LRRC17: variants seen among roughly 807,000 people sequenced by gnomAD.
LRRC17 encodes the protein leucine rich repeat containing 17.
In LRRC17, 33 loss-of-function variants were observed where a neutral mutation model predicts 41.5. The ratio of observed to expected loss-of-function variants is 0.80; its 90% CI spans 0.60 to 1.06. LRRC17 has a LOEUF of 1.06. LRRC17 is among the 50% of genes least tolerant of loss of function. The pLI is 0.00. For missense variants in LRRC17, 491 were observed against 519.3 expected, an observed-to-expected ratio of 0.95 and a Z score of 0.53; for synonymous variants, 192 against 197.0, an observed-to-expected ratio of 0.97 and a Z score of 0.21.
intron 2 of LRRC17, among the ~76,000 whole-genome samples, chr7:102,938,601 G>T (rs1199962316): frequency 6.6e-6 from 1 of 152,176 alleles, no homozygotes; most frequent in East Asian, 1.9e-4. Context: ...CAGTATATAT[G>T]AAATGTGCAT....
At position 102,944,763 on chromosome 7, in the gene LRRC17, G is replaced by GCATTCTCTTGATTACTA; in HGVS notation, c.*156_*157insCATTCTCTTGATTACTA. 3 of 649,486 alleles carry GCATTCTCTTGATTACTA rather than the reference G, an allele frequency of 4.6e-6. No individual in the cohort carries two copies. Among genetic ancestry groups the GCATTCTCTTGATTACTA allele is most frequent in the Non-Finnish European group, 7.5e-6 (3 of 401,532 alleles). The allele number at this position is 649,486 out of a possible 1,614,324, so 40.2% of individuals were successfully genotyped here. A position where few individuals can be genotyped will look rare whatever the true frequency, so the allele number is the denominator to read the frequency against. On this transcript the variant is annotated 3_prime_UTR_variant, in exon 4 of 4. Coordinates refer to ENST00000339431, the MANE Select transcript of LRRC17 (RefSeq NM_001031692.3). ...TATAAGTATTATTGTGACTATTATA[G>GCATTCTCTTGATTACTA]TAATCAAGAGAATGCTATCATCCTG...
At chr7:102,942,256 G>A in intron 3 of LRRC17, 1 of 1,557,678 alleles carries the variant, frequency 6.4e-7, no homozygotes, top group South Asian at 1.2e-5. Flanking sequence ...ATGACCTAAA[G>A]AAGTTTTAAA....
At chr7:102,924,624 T>C (rs1385582672) in intron 1 of LRRC17, among the ~76,000 whole-genome samples, 1 of 151,194 alleles carries the variant, frequency 6.6e-6, no homozygotes, top group African/African-American at 2.4e-5. Context: ...CACCGAGAAT[T>C]TTCTGTGTAA....
In LRRC17 at chr7:102,934,034, G is replaced by C. The variant is rs758716709; in HGVS notation, c.121G>C (p.Gly41Arg). ...NHGRAGGGRR[G>R]SNPVKRYAPG... The stretch of plus-strand genomic sequence containing the variant: ...TGGCCGGGCGGGTGGAGGCCGGAGA[G>C]GCTCCAACCCGGTCAAACGCTACGC... Residue 41 changes from glycine to arginine, a missense_variant, in exon 2 of 4, where the codon GGC (glycine) becomes CGC (arginine). Transcript: ENST00000339431. The C allele has an allele frequency of 1.4e-5, 23 of 1,613,940 alleles. No homozygotes were observed. In the South Asian group the frequency reaches 1.9e-4, roughly 13 times the overall value.
At chr7:102,933,710 T>C (rs1819668884) in intron 1 of LRRC17, 64 bp from the exon 2 acceptor site, 1 of 446,276 alleles carries the variant, frequency 2.2e-6, no homozygotes. Context: ...TCTGTTCTTA[T>C]CTGTCAGTAA....
intron 1 of LRRC17, among the ~76,000 whole-genome samples, chr7:102,926,603 C>T (rs942733271): frequency 2.0e-5 from 3 of 152,192 alleles, no homozygotes; most frequent in Non-Finnish European, 2.9e-5. Context: ...AATCAAGTCT[C>T]ATTCCATCAC....
At position 102,933,909 on chromosome 7, in the gene LRRC17, T is replaced by C; in HGVS notation, c.-5T>C. On this transcript the variant is annotated 5_prime_UTR_variant, in exon 2 of 4. Transcript: ENST00000339431. ...CGAAGTAATTGGGGCCAGCTGGATG[T>C]CAGGATGCGTGTGGTTACCATTGTA... 6.3e-7 allele frequency: 1 copy of C among 1,590,342 alleles called. No individual in the cohort carries two copies. Among genetic ancestry groups the C allele is most frequent in the African/African-American group, 1.3e-5 (1 of 74,386 alleles).
intron 1 of LRRC17, among the ~76,000 whole-genome samples, chr7:102,918,568 C>T (rs761197677): frequency 5.9e-5 from 9 of 152,150 alleles, no homozygotes; most frequent in Non-Finnish European, 1.0e-4. Flanking sequence ...ATAACCCCAG[C>T]ACTTTGGGAA....
intron 3 of LRRC17, among the ~76,000 whole-genome samples, chr7:102,940,212 T>C (rs375944259): frequency 5.1e-5 from 7 of 137,274 alleles, no homozygotes; most frequent in Admixed American, 3.0e-4. Flanking sequence ...TGACTTTTTT[T>C]GTTTGTTTTT....
intron 1 of LRRC17, among the ~76,000 whole-genome samples, chr7:102,915,685 A>C (rs1158120036): frequency 1.3e-5 from 2 of 152,182 alleles, no homozygotes; most frequent in Non-Finnish European, 2.9e-5. Context: ...AAAATATATA[A>C]GATTACAAAA....
chr7:102,943,680 C>A (rs988274281), intron 3 of LRRC17, among the ~76,000 whole-genome samples: 2 of 152,110 alleles, frequency 1.3e-5, no homozygotes, highest in African/African-American at 4.8e-5. Context: ...CCCTGTGTAG[C>A]CAAGCAGATA....
At chr7:102,941,365 G>A (rs930289545) in intron 3 of LRRC17, among the ~76,000 whole-genome samples, 2 of 151,848 alleles carry the variant, frequency 1.3e-5, no homozygotes, top group Non-Finnish European at 2.9e-5. Context: ...AACTCACTTC[G>A]ACCCCCTATG....
At chr7:102,921,020 C>T (rs768912431) in intron 1 of LRRC17, among the ~76,000 whole-genome samples, 7 of 151,910 alleles carry the variant, frequency 4.6e-5, no homozygotes, top group Non-Finnish European at 1.0e-4. Flanking sequence ...GGCGTGGTGG[C>T]GGGCACCTGT....
intron 1 of LRRC17, among the ~76,000 whole-genome samples, chr7:102,914,495 GAA>G (rs1344470490): frequency 2.0e-5 from 3 of 152,240 alleles, no homozygotes; most frequent in African/African-American, 7.2e-5. Context: ...CAAAAAGAAT[GAA>G]AAGTGAGGAG....
Position 102,931,811 on chromosome 7 carries a change from T to A in LRRC17, c.-140-1963T>A, listed in dbSNP as rs938155805. 2.1e-6 allele frequency: 3 copies of A among 1,414,054 alleles called. No individual in the cohort carries two copies. In the East Asian group the frequency reaches 6.9e-5, roughly 33 times the overall value. 87.6% of individuals were successfully genotyped at this position (1,414,054 alleles called of 1,614,324 possible). A position where few individuals can be genotyped will look rare whatever the true frequency, so the allele number is the denominator to read the frequency against. ...CAAATAAGCACACAAGCATCTATTC[T>A]GCATATTGGCACCCCAATGTAGCAA... is the stretch of plus-strand genomic sequence containing the variant. On this transcript the variant is annotated intron_variant, in intron 1 of 3. Coordinates refer to ENST00000339431, the MANE Select transcript of LRRC17 (RefSeq NM_001031692.3).
rs1822178138 is a variant in LRRC17, at chr7:102,944,837, C to T, written c.*230C>T. 2.3e-6 allele frequency: 1 copy of T among 432,020 alleles called. No individual in the cohort carries two copies. The highest frequency in any genetic ancestry group is 2.0e-5 in the African/African-American group (1 of 49,262). 26.8% of individuals were successfully genotyped at this position (432,020 alleles called of 1,614,324 possible). A position where few individuals can be genotyped will look rare whatever the true frequency, so the allele number is the denominator to read the frequency against. On this transcript the variant is annotated 3_prime_UTR_variant, in exon 4 of 4. Coordinates refer to ENST00000339431, the MANE Select transcript of LRRC17 (RefSeq NM_001031692.3). ...GCATCTGGTGATATGCAATTCCACACTGGTAACCTGCAGCAGTTGGGTCCT... is the reference window on the plus strand; with the variant it reads ...GCATCTGGTGATATGCAATTCCACATTGGTAACCTGCAGCAGTTGGGTCCT...
intron 1 of LRRC17, among the ~76,000 whole-genome samples, chr7:102,929,390 G>A (rs922171910): frequency 2.0e-5 from 3 of 152,120 alleles, no homozygotes; most frequent in Non-Finnish European, 2.9e-5. Context: ...AGCTGGGTGC[G>A]GTGTCTCACG....
In LRRC17 at chr7:102,945,018, A is replaced by G. The variant is rs1308005395; in HGVS notation, c.*411A>G. On this transcript the variant is annotated 3_prime_UTR_variant, in exon 4 of 4. Transcript: ENST00000339431. ...AATGATTTTATACAAATGCTGTTAT[A>G]ATAAAATGTCATTCCCTACCCCTCT... is the stretch of plus-strand genomic sequence containing the variant. 2 of 154,706 alleles carry G rather than the reference A, an allele frequency of 1.3e-5. No individual in the cohort carries two copies. The highest frequency in any genetic ancestry group is 4.8e-5 in the African/African-American group (2 of 41,548). 9.6% of individuals were successfully genotyped at this position (154,706 alleles called of 1,614,324 possible). A position where few individuals can be genotyped will look rare whatever the true frequency, so the allele number is the denominator to read the frequency against.
chr7:102,914,842 T>G (rs772066344), intron 1 of LRRC17, among the ~76,000 whole-genome samples: 2 of 152,226 alleles, frequency 1.3e-5, no homozygotes, highest in Non-Finnish European at 2.9e-5. Flanking sequence ...GCTAAAGTTT[T>G]GGAAATGCGT....
Sources: gnomAD v4.1 joint callset for allele counts (sites outside exome capture counted in the v4.1 genomes callset) on GRCh38, gnomAD v4.1.1 for gene constraint, MANE v1.5 for transcripts, NCBI Gene and HGNC (gene_info 2026-07-23, HGNC 2026-07-21) for gene names.